ELMO1: variants seen among roughly 807,000 people sequenced by gnomAD.
ELMO1 encodes engulfment and cell motility 1.
ELMO1 carries 26 observed loss-of-function variants against 98.9 expected under a neutral mutation model. The observed-to-expected ratio is 0.26, with a 90% CI of 0.19 to 0.36. ELMO1 has a LOEUF of 0.36. ELMO1 is among the 10% of genes least tolerant of loss of function. The pLI, the probability that ELMO1 is intolerant of heterozygous loss-of-function variation, is 1.00. For missense variants in ELMO1, 627 were observed against 935.2 expected, an observed-to-expected ratio of 0.67 and a Z score of 4.30; for synonymous variants, 346 against 346.0, an observed-to-expected ratio of 1.00 and a Z score of 0.00.
At chr7:37,301,349 T>C (rs567315128) in intron 4 of ELMO1, among the ~76,000 whole-genome samples, 31 of 150,638 alleles carry the variant, frequency 2.1e-4, no homozygotes, top group African/African-American at 4.9e-4. Flanking sequence ...AAAAAAACTA[T>C]TGGAAGAGGA....
chr7:37,229,593 T>C (rs1451579437), intron 8 of ELMO1, among the ~76,000 whole-genome samples: 2 of 152,138 alleles, frequency 1.3e-5, no homozygotes, highest in Non-Finnish European at 2.9e-5. Context: ...TGTCAGCCCA[T>C]TTCCTAGTCG....
chr7:37,096,945 GGA>G (rs1784392389), intron 14 of ELMO1, among the ~76,000 whole-genome samples: 1 of 152,136 alleles, frequency 6.6e-6, no homozygotes, highest in African/African-American at 2.4e-5. Flanking sequence ...CTGTAAAAGA[GGA>G]TATTTTGCTT....
At position 37,366,370 on chromosome 7, in the gene ELMO1, A is replaced by T. The variant is rs150181084; in HGVS notation, c.-73-23607T>A. 2.7e-3 allele frequency among the ~76,000 whole-genome samples: 418 copies of T among 152,310 alleles called. 1 individual carries two copies. The highest frequency in any genetic ancestry group is 9.6e-3 in the African/African-American group (399 of 41,568). On this transcript the variant is annotated intron_variant, in intron 1 of 21. Transcript: ENST00000310758. ...ATTAAGAAAACAAACCACCCTTTCAACATGTAAATCACTTCATCACACGTA... is the reference window on the plus strand; with the variant it reads ...ATTAAGAAAACAAACCACCCTTTCATCATGTAAATCACTTCATCACACGTA...
intron 15 of ELMO1, among the ~76,000 whole-genome samples, chr7:37,086,972 A>G (rs1421835316): frequency 6.6e-6 from 1 of 152,170 alleles, no homozygotes; most frequent in Non-Finnish European, 1.5e-5. Flanking sequence ...GGAAGAAAAC[A>G]TTTTGCTTCT....
intron 16 of ELMO1, among the ~76,000 whole-genome samples, chr7:36,974,397 T>C (rs1790312201): frequency 6.6e-6 from 1 of 152,020 alleles, no homozygotes; most frequent in Non-Finnish European, 1.5e-5. Context: ...ACTCTGTATC[T>C]AGCTCAAGGT....
At chr7:37,350,174 G>T (rs2724014) in intron 1 of ELMO1, among the ~76,000 whole-genome samples, 7 of 151,974 alleles carry the variant, frequency 4.6e-5, no homozygotes, top group Non-Finnish European at 7.4e-5. Flanking sequence ...TCAGAAATGA[G>T]GGAACACGGT....
At chr7:36,893,583 T>G (rs1262567415) in intron 17 of ELMO1, among the ~76,000 whole-genome samples, 1 of 152,232 alleles carries the variant, frequency 6.6e-6, no homozygotes, top group African/African-American at 2.4e-5. Flanking sequence ...CGGTAGATGT[T>G]ACTGCTTAGC....
intron 15 of ELMO1, among the ~76,000 whole-genome samples, chr7:37,019,980 A>G (rs1306215943): frequency 6.6e-6 from 1 of 152,230 alleles, no homozygotes; most frequent in Non-Finnish European, 1.5e-5. Flanking sequence ...TTTGCCTGTC[A>G]AAGTAGATAT....
rs116495732 is a variant in ELMO1 at position 37,368,586 on chromosome 7, G to A, written c.-73-25823C>T. On this transcript the variant is annotated intron_variant, in intron 1 of 21. Coordinates refer to ENST00000310758, the MANE Select transcript of ELMO1 (RefSeq NM_014800.11). ...GAATTTCTTAAGACCCCACTCCCTA[G>A]GAATCTCATCAAATAGCCCAAAAAG... Among the ~76,000 whole-genome samples, 519 of 152,176 alleles carry A rather than the reference G, an allele frequency of 3.4e-3. 3 individuals carry two copies. The highest frequency in any genetic ancestry group is 0.012 in the African/African-American group (498 of 41,508).
chr7:37,316,615 C>G lies in ELMO1; in HGVS notation c.79-655G>C, dbSNP rs532259080. On this transcript the variant is annotated intron_variant, in intron 2 of 21. Coordinates refer to ENST00000310758, the MANE Select transcript of ELMO1 (RefSeq NM_014800.11). Reference sequence around the variant, plus strand: ...GCCACACTTGTGCTCCGCCTGCCCCCAAGATAGAAGGAATGCAGCAGAGAG... The same window carrying G: ...GCCACACTTGTGCTCCGCCTGCCCCGAAGATAGAAGGAATGCAGCAGAGAG... Among the ~76,000 whole-genome samples the G allele has an allele frequency of 3.3e-4, 50 of 152,292 alleles. 1 individual carries two copies. Among genetic ancestry groups the G allele is most frequent in the African/African-American group, 1.2e-3 (50 of 41,540 alleles).
At chr7:36,861,572 C>T in intron 21 of ELMO1, 87 bp downstream of exon 21, 2 of 1,462,820 alleles carry the variant, frequency 1.4e-6, no homozygotes, top group Admixed American at 1.9e-5. Context: ...TCAGGCAGGT[C>T]TATTTTTCTT....
intron 4 of ELMO1, among the ~76,000 whole-genome samples, chr7:37,294,841 A>G (rs1472333019): frequency 6.6e-6 from 1 of 151,936 alleles, no homozygotes; most frequent in Non-Finnish European, 1.5e-5. Context: ...CTCTACTACA[A>G]ATACAAAAAT....
intron 16 of ELMO1, among the ~76,000 whole-genome samples, chr7:36,983,467 T>C (rs1775758353): frequency 6.6e-6 from 1 of 152,202 alleles, no homozygotes; most frequent in African/African-American, 2.4e-5. Context: ...CCCTATATAC[T>C]CACTCTCCTT....
chr7:36,908,549 TTA>T (rs1009776972), intron 16 of ELMO1, among the ~76,000 whole-genome samples: 2 of 143,582 alleles, frequency 1.4e-5, no homozygotes, highest in African/African-American at 5.2e-5. Context: ...TTAAGATTTG[TTA>T]TTTTTTTTTT....
intron 16 of ELMO1, among the ~76,000 whole-genome samples, chr7:36,971,949 A>C (rs1369481982): frequency 6.6e-6 from 1 of 152,240 alleles, no homozygotes; most frequent in African/African-American, 2.4e-5. Context: ...TTCACAAATA[A>C]AACTTCTAGA....
intron 11 of ELMO1, 70 bp from the exon 12 acceptor site, chr7:37,213,527 A>C: frequency 2.8e-4 from 403 of 1,457,400 alleles, no homozygotes; most frequent in Non-Finnish European, 3.5e-4. Context: ...ATTAACACTC[A>C]AGAAGGCTCT....
At chr7:37,024,606 T>A (rs1794463464) in intron 15 of ELMO1, among the ~76,000 whole-genome samples, 1 of 152,160 alleles carries the variant, frequency 6.6e-6, no homozygotes, top group Admixed American at 6.5e-5. Context: ...CCTCTGCCAC[T>A]TAACTGTGTG....
chr7:36,925,331 G>A (rs1004736949), intron 16 of ELMO1, among the ~76,000 whole-genome samples: 2 of 152,220 alleles, frequency 1.3e-5, no homozygotes, highest in East Asian at 1.9e-4. Context: ...CGCTTCCAGA[G>A]TCTGGGAAGA....
At chr7:37,052,261 T>C (rs1436279659) in intron 15 of ELMO1, among the ~76,000 whole-genome samples, 1 of 152,232 alleles carries the variant, frequency 6.6e-6, no homozygotes, top group Non-Finnish European at 1.5e-5. Context: ...ATCCGATCTC[T>C]GCTTTTGTTG....
Sources: gnomAD v4.1 joint callset for allele counts (sites outside exome capture counted in the v4.1 genomes callset) on GRCh38, gnomAD v4.1.1 for gene constraint, MANE v1.5 for transcripts, NCBI Gene and HGNC (gene_info 2026-07-23, HGNC 2026-07-21) for gene names.